The following TRIM55 variants were observed in gnomAD, a reference collection of about 807,000 sequenced individuals.
TRIM55 encodes the protein tripartite motif containing 55, also known as tripartite motif-containing protein 55.
TRIM55 carries 50 observed loss-of-function variants against 60.9 expected under a neutral mutation model. That is an observed-to-expected ratio of 0.82 (90% CI 0.65 to 1.04). The LOEUF is 1.04. Ranked by LOEUF, TRIM55 falls within the 50% of genes least tolerant of loss-of-function variation. The pLI, the probability that TRIM55 is intolerant of heterozygous loss-of-function variation, is 0.00. For synonymous variants in TRIM55, 237 were observed against 238.1 expected, an observed-to-expected ratio of 1.00 and a Z score of 0.04; for missense variants, 681 against 666.9, an observed-to-expected ratio of 1.02 and a Z score of -0.23.
intron 2 of TRIM55, among the ~76,000 whole-genome samples, chr8:66,130,568 G>A (rs185623910): frequency 0.013 from 1,896 of 150,428 alleles, 54 homozygotes; most frequent in African/African-American, 0.04. Context: ...GGGTCGGGGG[G>A]GGTGACCAAT....
At chr8:66,117,702 G>A in the TRIM55 span, among the ~76,000 whole-genome samples, 5 of 152,084 alleles carry the variant, frequency 3.3e-5, no homozygotes, top group East Asian at 5.8e-4. Flanking sequence ...CAGTTAAGAG[G>A]GTCGGGTGGA....
chr8:66,114,157 A>G, the TRIM55 span, among the ~76,000 whole-genome samples: 2 of 142,390 alleles, frequency 1.4e-5, no homozygotes, highest in Non-Finnish European at 3.0e-5. Flanking sequence ...ACCCTTCTCT[A>G]AAGGAACAGA....
rs545476646 is a variant in TRIM55 at position 66,150,541 on chromosome 8, G to T, written c.985+75G>T. The T allele has an allele frequency of 4.4e-5, 69 of 1,566,522 alleles. 1 individual carries two copies. In the East Asian group the frequency reaches 1.4e-3, roughly 33 times the overall value. On this transcript the variant is annotated intron_variant, in intron 7 of 9. Coordinates refer to ENST00000315962, the MANE Select transcript of TRIM55 (RefSeq NM_184085.2). Reference sequence around the variant, plus strand: ...TGCCGAAGAGTTGGGTGGGAGGAAAGCGGGGATTCAGAATCACCTCCAGAA... The same window carrying T: ...TGCCGAAGAGTTGGGTGGGAGGAAATCGGGGATTCAGAATCACCTCCAGAA...
At chr8:66,170,330 A>G (rs1309795240) in intron 9 of TRIM55, among the ~76,000 whole-genome samples, 1 of 152,188 alleles carries the variant, frequency 6.6e-6, no homozygotes, top group Non-Finnish European at 1.5e-5. Flanking sequence ...GTGGAATCAT[A>G]TAATATTCGT....
chr8:66,134,475 G>A (rs1029577502), intron 2 of TRIM55, among the ~76,000 whole-genome samples: 1 of 151,994 alleles, frequency 6.6e-6, no homozygotes, highest in African/African-American at 2.4e-5. Context: ...GAGGCTGGAG[G>A]GGGGCGATCT....
chr8:66,137,551 G>A (rs559942876), intron 4 of TRIM55, among the ~76,000 whole-genome samples: 19 of 152,270 alleles, frequency 1.2e-4, no homozygotes, highest in African/African-American at 4.6e-4. Context: ...ATGCTCATCG[G>A]TGCTTTAGAC....
In TRIM55 at chr8:66,152,440, G is replaced by A; in HGVS notation, c.1049G>A (p.Gly350Glu). The A allele has an allele frequency of 3.7e-6, 6 of 1,613,370 alleles. No homozygotes were observed. Among genetic ancestry groups the A allele is most frequent in the East Asian group, 2.2e-5 (1 of 44,886 alleles). Residue 350 changes from glycine (G) to glutamate (E), a missense_variant, in exon 8 of 10, where the codon GGA (glycine) becomes GAA (glutamate). Transcript: ENST00000315962. ...EGEKEGEGEV[G>E]GEAVEVEEVE... The stretch of plus-strand genomic sequence containing the variant: ...GAAAAAGAAGGAGAAGGAGAAGTGG[G>A]AGGAGAAGCAGTAGAAGTGGAAGAG...
chr8:66,163,310 T>C (rs7820617), intron 9 of TRIM55, among the ~76,000 whole-genome samples: 27,245 of 152,142 alleles, frequency 0.18, 4,234 homozygotes, highest in African/African-American at 0.43. Flanking sequence ...TCATTGTGCT[T>C]ACTTTGGGTT....
At chr8:66,114,082 A>ACAC in the TRIM55 span, among the ~76,000 whole-genome samples, 1 of 75,300 alleles carries the variant, frequency 1.3e-5, no homozygotes, top group Non-Finnish European at 2.4e-5. Flanking sequence ...AAGGAGAGAC[A>ACAC]CCCCCCCCCC....
At chr8:66,139,127 G>A (rs1340058816) in intron 4 of TRIM55, among the ~76,000 whole-genome samples, 7 of 152,076 alleles carry the variant, frequency 4.6e-5, no homozygotes, top group Non-Finnish European at 7.4e-5. Flanking sequence ...TTTTTTCTTT[G>A]TACTTATTTA....
intron 9 of TRIM55, among the ~76,000 whole-genome samples, chr8:66,157,956 C>T (rs117134119): frequency 0.01 from 1,570 of 152,222 alleles, 11 homozygotes; most frequent in Non-Finnish European, 0.015. Flanking sequence ...CTGTAGCTCC[C>T]CCATGGGCAT....
intron 4 of TRIM55, among the ~76,000 whole-genome samples, chr8:66,146,444 C>T (rs1020783311): frequency 2.6e-5 from 4 of 152,156 alleles, no homozygotes; most frequent in East Asian, 1.9e-4. Flanking sequence ...ACACATGCTT[C>T]ACATCTGTCT....
At chr8:66,137,267 T>A in intron 4 of TRIM55, 77 bp downstream of exon 4, 1 of 1,025,298 alleles carries the variant, frequency 9.8e-7, no homozygotes, top group East Asian at 2.5e-5. Flanking sequence ...AGTGCCACAC[T>A]AGACATCCCT....
intron 9 of TRIM55, among the ~76,000 whole-genome samples, chr8:66,164,238 T>C (rs1395481893): frequency 2.0e-5 from 3 of 152,184 alleles, no homozygotes; most frequent in Non-Finnish European, 4.4e-5. Flanking sequence ...CTGCGTCCCC[T>C]TCCTCCTTCA....
intron 1 of TRIM55, among the ~76,000 whole-genome samples, chr8:66,127,762 G>C (rs111503410): frequency 5.0e-4 from 76 of 152,308 alleles, no homozygotes; most frequent in African/African-American, 1.7e-3. Flanking sequence ...TTGAACCCAG[G>C]AGGCGGACAT....
At chr8:66,136,925 T>C (rs921336589) in intron 3 of TRIM55, among the ~76,000 whole-genome samples, 170 bp from the exon 4 acceptor site, 2 of 152,240 alleles carry the variant, frequency 1.3e-5, no homozygotes, top group Admixed American at 6.5e-5. Flanking sequence ...AATGGATTCA[T>C]ACACAAAGGT....
chr8:66,140,667 G>T (rs949568241), intron 4 of TRIM55, among the ~76,000 whole-genome samples: 1 of 152,252 alleles, frequency 6.6e-6, no homozygotes, highest in Non-Finnish European at 1.5e-5. Flanking sequence ...AGCCTGCAAG[G>T]CAGGACAACA....
At chr8:66,160,613 T>TG (rs1810993862) in intron 9 of TRIM55, among the ~76,000 whole-genome samples, 1 of 152,156 alleles carries the variant, frequency 6.6e-6, no homozygotes, top group Non-Finnish European at 1.5e-5. Context: ...TTTTCCATAG[T>TG]GGTTGTACTA....
At chr8:66,148,512 G>T (rs930376461) in intron 4 of TRIM55, among the ~76,000 whole-genome samples, 2 of 152,216 alleles carry the variant, frequency 1.3e-5, no homozygotes, top group Non-Finnish European at 1.5e-5. Flanking sequence ...AGAAGTGGTA[G>T]TCTGACAATG....
Sources: gnomAD v4.1 joint callset for allele counts (sites outside exome capture counted in the v4.1 genomes callset) on GRCh38, gnomAD v4.1.1 for gene constraint, MANE v1.5 for transcripts, NCBI Gene and HGNC (gene_info 2026-07-23, HGNC 2026-07-21) for gene names.